The following HS3ST4 variants were observed in gnomAD, a reference collection of about 807,000 sequenced individuals.
HS3ST4 encodes the protein heparan sulfate glucosamine 3-O-sulfotransferase 4.
HS3ST4 carries 17 observed loss-of-function variants against 29.2 expected under a neutral mutation model. That is an observed-to-expected ratio of 0.58 (90% CI 0.40 to 0.87). HS3ST4 has a LOEUF of 0.87. Among genes scored for constraint, HS3ST4 ranks in the 40% least tolerant of loss-of-function variants. The probability of loss-of-function intolerance (pLI) is 0.00; values close to 1 mark genes in which losing one functional copy is unlikely to be tolerated. For synonymous variants in HS3ST4, 314 were observed against 285.7 expected, an observed-to-expected ratio of 1.10 and a Z score of -1.00; for missense variants, 627 against 634.5, an observed-to-expected ratio of 0.99 and a Z score of 0.13.
chr16:25,982,031 G>GACACAC (rs140563160), intron 1 of HS3ST4, among the ~76,000 whole-genome samples: 4 of 104,638 alleles, frequency 3.8e-5, no homozygotes, highest in Non-Finnish European at 1.1e-4. Context: ...CACATACTGA[G>GACACAC]ACACACAGAC....
At chr16:26,130,266 T>C (rs747149157) in intron 1 of HS3ST4, among the ~76,000 whole-genome samples, 3 of 152,170 alleles carry the variant, frequency 2.0e-5, no homozygotes, top group Non-Finnish European at 2.9e-5. Flanking sequence ...ATGCAGTGTT[T>C]TCTCACCATA....
intron 1 of HS3ST4, among the ~76,000 whole-genome samples, chr16:25,704,989 T>C (rs534630528): frequency 6.6e-6 from 1 of 152,204 alleles, no homozygotes; most frequent in South Asian, 2.1e-4. Flanking sequence ...GCCGAGGTGC[T>C]GGGATTACCT....
intron 1 of HS3ST4, among the ~76,000 whole-genome samples, chr16:26,038,456 C>T (rs1969604967): frequency 6.6e-6 from 1 of 152,042 alleles, no homozygotes; most frequent in African/African-American, 2.4e-5. Context: ...AGCCCCAGCA[C>T]CTGAGCCTAT....
At chr16:25,987,088 C>T (rs1049516478) in intron 1 of HS3ST4, among the ~76,000 whole-genome samples, 3 of 152,292 alleles carry the variant, frequency 2.0e-5, no homozygotes, top group African/African-American at 7.2e-5. Flanking sequence ...CTGTGGCTCA[C>T]GCCTGTAATC....
At chr16:25,865,171 A>G (rs1967682085) in intron 1 of HS3ST4, among the ~76,000 whole-genome samples, 1 of 152,162 alleles carries the variant, frequency 6.6e-6, no homozygotes, top group Admixed American at 6.5e-5. Context: ...CAGAAGTGAG[A>G]TTGCTGGATC....
At chr16:25,749,392 G>T (rs79728906) in intron 1 of HS3ST4, among the ~76,000 whole-genome samples, 1 of 152,250 alleles carries the variant, frequency 6.6e-6, no homozygotes, top group Admixed American at 6.5e-5. Context: ...CTACTTGGGA[G>T]GCTGAGGTGG....
intron 1 of HS3ST4, among the ~76,000 whole-genome samples, chr16:25,853,381 C>T (rs556609902): frequency 6.6e-5 from 10 of 151,522 alleles, no homozygotes; most frequent in Admixed American, 3.3e-4. Context: ...AATTTGGATG[C>T]GTTTAATTTC....
intron 1 of HS3ST4, among the ~76,000 whole-genome samples, chr16:25,859,320 A>G: frequency 6.6e-6 from 1 of 152,198 alleles, no homozygotes; most frequent in East Asian, 1.9e-4. Context: ...ATATTATCTT[A>G]TTTAATTCTC....
chr16:25,835,544 G>A (rs1017466541), intron 1 of HS3ST4, among the ~76,000 whole-genome samples: 6 of 152,164 alleles, frequency 3.9e-5, no homozygotes, highest in South Asian at 4.2e-4. Context: ...CCTACCATGT[G>A]CCATCAATAG....
chr16:26,027,080 C>A (rs181497075), intron 1 of HS3ST4, among the ~76,000 whole-genome samples: 325 of 152,252 alleles, frequency 2.1e-3, no homozygotes, highest in African/African-American at 7.3e-3. Flanking sequence ...CAACTGCAGA[C>A]CTTTGGACTA....
At chr16:25,803,935 G>C (rs1470959989) in intron 1 of HS3ST4, among the ~76,000 whole-genome samples, 3 of 151,596 alleles carry the variant, frequency 2.0e-5, no homozygotes, top group Admixed American at 6.6e-5. Flanking sequence ...TCATATTTTG[G>C]TTCCCCCTCC....
intron 1 of HS3ST4, among the ~76,000 whole-genome samples, chr16:25,843,006 G>A (rs1471284804): frequency 6.6e-6 from 1 of 152,152 alleles, no homozygotes; most frequent in African/African-American, 2.4e-5. Context: ...AAAAAGCACG[G>A]AGTCTTCCCT....
intron 1 of HS3ST4, among the ~76,000 whole-genome samples, chr16:25,874,872 G>A (rs1394891510): frequency 1.3e-5 from 2 of 152,126 alleles, no homozygotes; most frequent in Non-Finnish European, 2.9e-5. Flanking sequence ...TAGCTGTGTG[G>A]CCTTGTTCAA....
chr16:25,830,338 T>C (rs1157280923), intron 1 of HS3ST4, among the ~76,000 whole-genome samples: 1 of 152,228 alleles, frequency 6.6e-6, no homozygotes, highest in Non-Finnish European at 1.5e-5. Context: ...CCATCTTGGC[T>C]TTTGTAAATT....
intron 1 of HS3ST4, among the ~76,000 whole-genome samples, chr16:25,842,888 G>T (rs1032565697): frequency 6.6e-6 from 1 of 152,162 alleles, no homozygotes; most frequent in African/African-American, 2.4e-5. Flanking sequence ...CCTATAAAAT[G>T]AGGGCAATAA....
intron 1 of HS3ST4, among the ~76,000 whole-genome samples, chr16:25,988,587 T>A (rs1218592833): frequency 6.6e-6 from 1 of 152,198 alleles, no homozygotes; most frequent in African/African-American, 2.4e-5. Flanking sequence ...GTTTTTTATT[T>A]TGTTTTTGTT....
intron 1 of HS3ST4, among the ~76,000 whole-genome samples, chr16:25,718,774 C>T (rs528795797): frequency 5.3e-5 from 8 of 152,000 alleles, no homozygotes; most frequent in Non-Finnish European, 7.4e-5. Context: ...GAAGAGAGGA[C>T]AGGGATAGGA....
chr16:25,867,011 C>T (rs1967702644), intron 1 of HS3ST4, among the ~76,000 whole-genome samples: 1 of 152,126 alleles, frequency 6.6e-6, no homozygotes, highest in Non-Finnish European at 1.5e-5. Flanking sequence ...TCCTGGAAGA[C>T]CCACCCAATT....
chr16:25,786,696 G>A (rs1193736375), intron 1 of HS3ST4, among the ~76,000 whole-genome samples: 2 of 152,156 alleles, frequency 1.3e-5, no homozygotes, highest in Admixed American at 1.3e-4. Flanking sequence ...TTGAATGCAT[G>A]TTGTACAAGA....
Sources: gnomAD v4.1 joint callset for allele counts (sites outside exome capture counted in the v4.1 genomes callset) on GRCh38, gnomAD v4.1.1 for gene constraint, MANE v1.5 for transcripts, NCBI Gene and HGNC (gene_info 2026-07-23, HGNC 2026-07-21) for gene names.